The following SLIT3 variants were observed in gnomAD, a reference collection of about 807,000 sequenced individuals.
SLIT3 encodes the protein slit guidance ligand 3.
A neutral mutation model predicts 184.0 loss-of-function variants in SLIT3; 68 were observed. The observed-to-expected ratio is 0.37, with a 90% CI of 0.30 to 0.45. SLIT3 has a LOEUF of 0.45. Among genes scored for constraint, SLIT3 ranks in the 20% least tolerant of loss-of-function variants. The pLI is 1.00. For missense variants in SLIT3, 1,707 were observed against 2,026.0 expected (o/e 0.84, Z 3.02); for synonymous variants, 831 against 828.6 (o/e 1.00, Z -0.05).
At chr5:169,092,606 G>C (rs1166502973) in intron 4 of SLIT3, among the ~76,000 whole-genome samples, 1 of 152,140 alleles carries the variant, frequency 6.6e-6, no homozygotes. Flanking sequence ...TTTTGAATCT[G>C]GAGCTTTTGA....
chr5:168,910,579 T>TA, intron 4 of SLIT3, among the ~76,000 whole-genome samples: 1 of 151,812 alleles, frequency 6.6e-6, no homozygotes, highest in South Asian at 2.1e-4. Flanking sequence ...CTGTCTCTAC[T>TA]AAAAATTACA....
At chr5:168,959,223 C>CT (rs1762931546) in intron 4 of SLIT3, among the ~76,000 whole-genome samples, 1 of 152,242 alleles carries the variant, frequency 6.6e-6, no homozygotes, top group African/African-American at 2.4e-5. Flanking sequence ...CTGATGCCAA[C>CT]TTGTGACTTT....
intron 3 of SLIT3, among the ~76,000 whole-genome samples, chr5:169,230,211 C>A (rs1025044608): frequency 6.6e-6 from 1 of 152,142 alleles, no homozygotes. Context: ...ATGATTAACC[C>A]CATTTAACAG....
intron 6 of SLIT3, among the ~76,000 whole-genome samples, chr5:168,840,495 A>G (rs945112657): frequency 6.7e-6 from 1 of 148,472 alleles, no homozygotes; most frequent in Admixed American, 6.7e-5. Flanking sequence ...AGGTGCCACT[A>G]TAACTGGTGA....
At chr5:168,848,583 G>A (rs1342176012) in intron 5 of SLIT3, among the ~76,000 whole-genome samples, 7 of 152,004 alleles carry the variant, frequency 4.6e-5, no homozygotes, top group African/African-American at 1.7e-4. Flanking sequence ...TAAATTAACT[G>A]CTCTAATTTC....
At chr5:169,028,728 A>C (rs1756923734) in intron 4 of SLIT3, among the ~76,000 whole-genome samples, 1 of 152,212 alleles carries the variant, frequency 6.6e-6, no homozygotes, top group African/African-American at 2.4e-5. Context: ...TAGCTAGACT[A>C]ATAACTTCTT....
intron 5 of SLIT3, among the ~76,000 whole-genome samples, chr5:168,857,403 GT>G (rs530922389): frequency 2.0e-5 from 3 of 148,580 alleles, no homozygotes; most frequent in East Asian, 2.0e-4. Flanking sequence ...GTTTTGTTTT[GT>G]TTTAAGATGA....
rs79720606 is a variant in SLIT3, at chr5:169,083,888, T to C, written c.413+109591A>G. On this transcript the variant is annotated intron_variant, in intron 4 of 35. Transcript: ENST00000519560. ...ACTTAGAATACCCACCTGGAGCAAA[T>C]TGTCCCTCGTGGTTAGCTCTGCTTG... Among the ~76,000 whole-genome samples the C allele has an allele frequency of 4.1e-3, 625 of 152,288 alleles. 6 individuals carry two copies. Among genetic ancestry groups the C allele is most frequent in the African/African-American group, 0.014 (592 of 41,552 alleles).
intron 3 of SLIT3, among the ~76,000 whole-genome samples, chr5:169,236,523 T>G (rs943815462): frequency 6.6e-6 from 1 of 151,444 alleles, no homozygotes; most frequent in African/African-American, 2.4e-5. Flanking sequence ...CAGGCTGGAG[T>G]GCAGTGGTGT....
intron 4 of SLIT3, among the ~76,000 whole-genome samples, chr5:169,093,926 G>A (rs1759681340): frequency 6.6e-6 from 1 of 152,168 alleles, no homozygotes; most frequent in Admixed American, 6.5e-5. Context: ...TATCTAAATA[G>A]AAGTAATACC....
chr5:168,916,964 C>T (rs1337914080), intron 4 of SLIT3, among the ~76,000 whole-genome samples: 1 of 152,154 alleles, frequency 6.6e-6, no homozygotes, highest in African/African-American at 2.4e-5. Context: ...GGCGTCTCTC[C>T]CTGTCATTTC....
At chr5:169,204,727 G>A (rs902865440) in intron 3 of SLIT3, among the ~76,000 whole-genome samples, 1 of 152,154 alleles carries the variant, frequency 6.6e-6, no homozygotes, top group Non-Finnish European at 1.5e-5. Flanking sequence ...GGTCTCTTCT[G>A]ACCACTTCTG....
intron 4 of SLIT3, among the ~76,000 whole-genome samples, chr5:169,063,329 G>A (rs935460205): frequency 4.6e-5 from 7 of 152,326 alleles, no homozygotes; most frequent in South Asian, 2.1e-4. Flanking sequence ...ACCCAGCGCT[G>A]GAAGGAGGGG....
rs997237116 is a variant in SLIT3, at chr5:169,164,216, G to A, written c.413+29263C>T. Among the ~76,000 whole-genome samples, 4 of 152,100 alleles carry A rather than the reference G, an allele frequency of 2.6e-5. No individual in the cohort carries two copies. The East Asian group carries it at 5.8e-4, about 22-fold the overall frequency. On this transcript the variant is annotated intron_variant, in intron 4 of 35. Coordinates refer to ENST00000519560, the MANE Select transcript of SLIT3 (RefSeq NM_003062.4). Reference sequence around the variant, plus strand: ...TGCAGGGCCTCTAAGTACCATCCTCGGACTCCCCATCAAGACCAGTAAATA... The same window carrying A: ...TGCAGGGCCTCTAAGTACCATCCTCAGACTCCCCATCAAGACCAGTAAATA...
rs1759606426 is a variant in SLIT3 at position 169,092,013 on chromosome 5, G to A, written c.413+101466C>T. ...GAGGCAGGCGGATCACCTGAGGTTG[G>A]AAGTTCGAGACCAGCCTGGCCAACA... On this transcript the variant is annotated intron_variant, in intron 4 of 35. Coordinates refer to ENST00000519560, the MANE Select transcript of SLIT3 (RefSeq NM_003062.4). Among the ~76,000 whole-genome samples the A allele has an allele frequency of 2.0e-5, 3 of 152,176 alleles. No homozygotes were observed. The South Asian group carries it at 6.2e-4, about 31-fold the overall frequency.
intron 6 of SLIT3, among the ~76,000 whole-genome samples, chr5:168,829,852 G>A (rs1757822981): frequency 6.6e-6 from 1 of 152,344 alleles, no homozygotes; most frequent in East Asian, 1.9e-4. Flanking sequence ...CTGGCAGTGT[G>A]CGGACCTCAA....
chr5:169,134,733 A>G (rs1761436238), intron 4 of SLIT3, among the ~76,000 whole-genome samples: 1 of 152,224 alleles, frequency 6.6e-6, no homozygotes, highest in African/African-American at 2.4e-5. Context: ...CATGTACCCT[A>G]GAACTTAAAG....
At chr5:168,817,123 C>T (rs562782522) in intron 8 of SLIT3, among the ~76,000 whole-genome samples, 177 bp downstream of exon 8, 1 of 152,078 alleles carries the variant, frequency 6.6e-6, no homozygotes, top group Admixed American at 6.5e-5. Context: ...GTTTTAAAAC[C>T]CTTTGAGGCA....
chr5:169,051,101 T>C (rs1757799203), intron 4 of SLIT3, among the ~76,000 whole-genome samples: 1 of 152,194 alleles, frequency 6.6e-6, no homozygotes, highest in African/African-American at 2.4e-5. Context: ...CATGTCAACT[T>C]CTAAACTTGT....
Sources: gnomAD v4.1 joint callset for allele counts (sites outside exome capture counted in the v4.1 genomes callset) on GRCh38, gnomAD v4.1.1 for gene constraint, MANE v1.5 for transcripts, NCBI Gene and HGNC (gene_info 2026-07-23, HGNC 2026-07-21) for gene names.